The following MTHFD2L variants were observed in gnomAD, a reference collection of about 807,000 sequenced individuals.
MTHFD2L encodes the protein methylenetetrahydrofolate dehydrogenase (NADP+ dependent) 2 like, also known as bifunctional methylenetetrahydrofolate dehydrogenase/cyclohydrolase 2, mitochondrial.
A neutral mutation model predicts 34.9 loss-of-function variants in MTHFD2L; 29 were observed. That is an observed-to-expected ratio of 0.83 (90% confidence interval 0.62 to 1.13). The LOEUF is 1.13. Among genes scored for constraint, MTHFD2L ranks in the 50% most tolerant of loss-of-function variants. The pLI, the probability that MTHFD2L is intolerant of heterozygous loss-of-function variation, is 0.00. For missense variants in MTHFD2L, 481 were observed against 446.5 expected, an observed-to-expected ratio of 1.08 and a Z score of -0.70; for synonymous variants, 167 against 155.7, an observed-to-expected ratio of 1.07 and a Z score of -0.54.
chr4:74,223,787 G>A (rs1220710186), intron 5 of MTHFD2L, among the ~76,000 whole-genome samples: 1 of 151,644 alleles, frequency 6.6e-6, no homozygotes, highest in East Asian at 1.9e-4. Context: ...CTTTTTAAAT[G>A]TATCTTTCTA....
chr4:74,257,992 C>T (rs1002856548), intron 6 of MTHFD2L, among the ~76,000 whole-genome samples: 4 of 151,762 alleles, frequency 2.6e-5, no homozygotes, highest in African/African-American at 9.7e-5. Flanking sequence ...AAAAGCTCGA[C>T]ATCAGTAATC....
At chr4:74,298,066 G>T (rs1578761027) in intron 7 of MTHFD2L, among the ~76,000 whole-genome samples, 1 of 151,888 alleles carries the variant, frequency 6.6e-6, no homozygotes, top group Non-Finnish European at 1.5e-5. Flanking sequence ...CAAATCAAAA[G>T]GAATAGAAAC....
chr4:74,209,724 T>C (rs1735978418), intron 5 of MTHFD2L, among the ~76,000 whole-genome samples: 1 of 152,228 alleles, frequency 6.6e-6, no homozygotes, highest in Non-Finnish European at 1.5e-5. Flanking sequence ...ATGGGATTGC[T>C]GGGTCAAATG....
At chr4:74,271,454 C>A (rs150087023) in intron 6 of MTHFD2L, among the ~76,000 whole-genome samples, 1,709 of 152,294 alleles carry the variant, frequency 0.011, 27 homozygotes, top group African/African-American at 0.04. Flanking sequence ...TTGTTTTTGT[C>A]ACGTTTGTCA....
chr4:74,188,826 G>T (rs1397336891), intron 3 of MTHFD2L, among the ~76,000 whole-genome samples: 2 of 149,294 alleles, frequency 1.3e-5, no homozygotes, highest in African/African-American at 2.5e-5. Context: ...GTATATATAT[G>T]GGTATATATA....
At chr4:74,265,500 A>C (rs1455208651) in intron 6 of MTHFD2L, among the ~76,000 whole-genome samples, 1 of 152,200 alleles carries the variant, frequency 6.6e-6, no homozygotes, top group African/African-American at 2.4e-5. Context: ...AATGTGCTAC[A>C]CACTTTATAT....
At chr4:74,160,684 A>G (rs1725243852) in intron 1 of MTHFD2L, 1 of 152,282 alleles carries the variant, frequency 6.6e-6, no homozygotes, top group South Asian at 2.1e-4. Context: ...AAAATGAAAA[A>G]AAAAGTCTTT....
chr4:74,226,813 G>T (rs1205285075), intron 6 of MTHFD2L, among the ~76,000 whole-genome samples: 1 of 152,166 alleles, frequency 6.6e-6, no homozygotes, highest in Non-Finnish European at 1.5e-5. Context: ...TGAAATGCCA[G>T]CCCTCGTAGA....
At chr4:74,244,308 A>G (rs138780529) in intron 6 of MTHFD2L, among the ~76,000 whole-genome samples, 8 of 152,326 alleles carry the variant, frequency 5.3e-5, no homozygotes, top group Non-Finnish European at 1.0e-4. Flanking sequence ...AGAACCATCT[A>G]TTGGCTTTGC....
chr4:74,247,244 G>T (rs1306626702), intron 6 of MTHFD2L, among the ~76,000 whole-genome samples: 1 of 151,822 alleles, frequency 6.6e-6, no homozygotes. Context: ...TGAAGCAATT[G>T]TGAATGGGAG....
chr4:74,292,032 C>T (rs1406236424), intron 7 of MTHFD2L, among the ~76,000 whole-genome samples: 1 of 152,152 alleles, frequency 6.6e-6, no homozygotes, highest in African/African-American at 2.4e-5. Context: ...AGTTGATGAA[C>T]ATTATAAAAG....
At chr4:74,213,295 A>G (rs900507234) in intron 5 of MTHFD2L, among the ~76,000 whole-genome samples, 1 of 152,080 alleles carries the variant, frequency 6.6e-6, no homozygotes, top group African/African-American at 2.4e-5. Flanking sequence ...CATAGTTTCC[A>G]TGGTCTTTAC....
intron 1 of MTHFD2L, among the ~76,000 whole-genome samples, chr4:74,165,951 ATAGTT>A (rs78047500): frequency 0.17 from 26,413 of 152,016 alleles, 4,865 homozygotes; most frequent in African/African-American, 0.46. Flanking sequence ...GATTTTAAAA[ATAGTT>A]TACCATATTT....
At chr4:74,204,533 G>C (rs554000848) in intron 5 of MTHFD2L, among the ~76,000 whole-genome samples, 1 of 152,084 alleles carries the variant, frequency 6.6e-6, no homozygotes, top group Admixed American at 6.5e-5. Context: ...GATCTTTTCT[G>C]TAAAAATTTG....
At chr4:74,115,753 G>T (rs989608882) in intron 2 of MTHFD2L, among the ~76,000 whole-genome samples, 2 of 152,208 alleles carry the variant, frequency 1.3e-5, no homozygotes, top group African/African-American at 4.8e-5. Flanking sequence ...GTAAATATAA[G>T]TGATTAAATT....
In MTHFD2L at chr4:74,302,998, A is replaced by T. The variant is rs1415227651; in HGVS notation, c.*1189A>T. On this transcript the variant is annotated 3_prime_UTR_variant, in exon 8 of 8. Transcript: ENST00000325278. ...ACCAATAATGACTCTTACCCAGCGC[A>T]TGTCTTTATCAGTGTGTACTCGTGA... 6.6e-6 allele frequency: 1 copy of T among 152,132 alleles called. No homozygotes were observed. Among genetic ancestry groups the T allele is most frequent in the African/African-American group, 2.4e-5 (1 of 41,458 alleles). The allele number at this position is 152,132 out of a possible 1,614,324, so 9.4% of individuals were successfully genotyped here. A position where few individuals can be genotyped will look rare whatever the true frequency, so the allele number is the denominator to read the frequency against.
chr4:74,274,825 T>A (rs908124640), intron 6 of MTHFD2L, among the ~76,000 whole-genome samples: 1 of 152,184 alleles, frequency 6.6e-6, no homozygotes, highest in African/African-American at 2.4e-5. Context: ...ATCATCAAAT[T>A]CTACACATCA....
At chr4:74,220,736 A>G (rs192242932) in intron 5 of MTHFD2L, among the ~76,000 whole-genome samples, 7 of 151,762 alleles carry the variant, frequency 4.6e-5, no homozygotes, top group Admixed American at 4.6e-4. Context: ...CTAAGATGTT[A>G]TATATGAAAG....
At chr4:74,259,326 A>G (rs969861558) in intron 6 of MTHFD2L, among the ~76,000 whole-genome samples, 3 of 152,176 alleles carry the variant, frequency 2.0e-5, no homozygotes, top group South Asian at 2.1e-4. Context: ...TTGCAAGTCA[A>G]TCATGTTGGG....
Sources: gnomAD v4.1 joint callset for allele counts (sites outside exome capture counted in the v4.1 genomes callset) on GRCh38, gnomAD v4.1.1 for gene constraint, MANE v1.5 for transcripts, NCBI Gene and HGNC (gene_info 2026-07-23, HGNC 2026-07-21) for gene names.